FUNDC1: variants seen among roughly 807,000 people sequenced by gnomAD.
FUNDC1 encodes FUN14 domain containing 1.
In FUNDC1, 10 loss-of-function variants were observed where a neutral mutation model predicts 14.5. The observed-to-expected ratio is 0.69, with a 90% confidence interval of 0.43 to 1.17. The LOEUF (loss-of-function observed/expected upper bound fraction) is 1.17. Ranked by LOEUF, FUNDC1 falls within the 50% of genes most tolerant of loss-of-function variation. The pLI is 0.00. For missense variants in FUNDC1, 115 were observed against 113.8 expected (o/e 1.01, Z -0.05); for synonymous variants, 33 against 39.7 (o/e 0.83, Z 0.64).
At chrX:44,537,485 A>AT (rs750838858) in intron 3 of FUNDC1, among the ~76,000 whole-genome samples, 6 of 111,348 alleles carry the variant, frequency 5.4e-5, no homozygotes, top group South Asian at 3.7e-4. Context: ...GGTATTAATC[A>AT]TTTTTTTTAC....
At chrX:44,527,649 C>G (rs2038907608) in intron 3 of FUNDC1, among the ~76,000 whole-genome samples, 1 of 111,738 alleles carries the variant, frequency 8.9e-6, no homozygotes. Context: ...ATGTGATGAA[C>G]AGTGTTTAGT....
At chrX:44,531,957 TATAA>T (rs2038927611) in intron 3 of FUNDC1, among the ~76,000 whole-genome samples, 1 of 111,837 alleles carries the variant, frequency 8.9e-6, no homozygotes, top group Non-Finnish European at 1.9e-5. Context: ...TCCATATTGA[TATAA>T]ATAAATGACT....
chrX:44,533,702 T>A (rs1445527735), intron 3 of FUNDC1, among the ~76,000 whole-genome samples: 4 of 103,963 alleles, frequency 3.8e-5, no homozygotes, highest in Non-Finnish European at 7.9e-5. Flanking sequence ...CCATTAAAAA[T>A]TTTTAAAAAA....
Position 44,524,205 on chromosome X carries a change from G to A in FUNDC1, c.461C>T (p.Ala154Val). 8.5e-7 allele frequency: 1 copy of A among 1,180,929 alleles called. No individual in the cohort carries two copies. Among genetic ancestry groups the A allele is most frequent in the Non-Finnish European group, 1.2e-6 (1 of 868,143 alleles). ...GGGAGAATATTCATGTCCTTAAGAT[G>A]CAAGTCCGAGCAAAAAGCCTCCCAC... is the stretch of plus-strand genomic sequence containing the variant. Reference protein sequence around the residue: ...GFVGGFLLGLAS With the variant: ...GFVGGFLLGLVS Residue 154 changes from alanine to valine, a missense_variant, in exon 5 of 5, where the codon GCA (alanine) becomes GTA (valine). By Grantham distance (64) the Ala-to-Val change is moderately conservative. Transcript: ENST00000378045.
chrX:44,542,332 C>A, intron 1 of FUNDC1: 1 of 392,364 alleles, frequency 2.5e-6, no homozygotes, highest in South Asian at 4.3e-5. Flanking sequence ...CGGGGACCAG[C>A]CTGGGGTCAC....
chrX:44,535,024 T>A (rs1325624355), intron 3 of FUNDC1, among the ~76,000 whole-genome samples: 1 of 111,292 alleles, frequency 9.0e-6, no homozygotes, highest in Non-Finnish European at 1.9e-5. Flanking sequence ...CACACGCCTG[T>A]AATCCCAGCT....
chrX:44,532,240 C>T (rs1360165416), intron 3 of FUNDC1, among the ~76,000 whole-genome samples: 1 of 109,045 alleles, frequency 9.2e-6, no homozygotes, highest in Non-Finnish European at 1.9e-5. Context: ...ACGGAAAATA[C>T]AAAAATTAGC....
intron 3 of FUNDC1, among the ~76,000 whole-genome samples, chrX:44,535,982 T>C (rs1156381031): frequency 1.1e-5 from 1 of 94,912 alleles, no homozygotes; most frequent in Non-Finnish European, 2.0e-5. Context: ...GCAAAACTCT[T>C]GTCTAAAAAA....
intron 3 of FUNDC1, among the ~76,000 whole-genome samples, chrX:44,536,915 T>C (rs2038951519): frequency 8.9e-6 from 1 of 112,298 alleles, no homozygotes; most frequent in Non-Finnish European, 1.9e-5. Flanking sequence ...ATATTGTTAC[T>C]AGAAAAGCTT....
At position 44,542,666 on chromosome X, in the gene FUNDC1, G is replaced by T. The variant is rs145411697; in HGVS notation, c.28+139C>A. On this transcript the variant is annotated intron_variant, in intron 1 of 4. Coordinates refer to ENST00000378045, the MANE Select transcript of FUNDC1 (RefSeq NM_173794.4). Reference sequence around the variant, plus strand: ...GGGGAGGAAAAAGTCTAGCTCGGAGGGGGTGCTCGAAGGGGCTGCCTTAAA... The same window carrying T: ...GGGGAGGAAAAAGTCTAGCTCGGAGTGGGTGCTCGAAGGGGCTGCCTTAAA... 1.2e-5 allele frequency: 7 copies of T among 575,916 alleles called. No individual in the cohort carries two copies. In the African/African-American group the frequency reaches 1.7e-4, roughly 14 times the overall value. 47.5% of individuals were successfully genotyped at this position (575,916 alleles called of 1,213,427 possible). A position where few individuals can be genotyped will look rare whatever the true frequency, so the allele number is the denominator to read the frequency against.
chrX:44,540,412 T>TG (rs2038966120), intron 2 of FUNDC1, among the ~76,000 whole-genome samples: 1 of 87,498 alleles, frequency 1.1e-5, no homozygotes, highest in Non-Finnish European at 2.1e-5. Context: ...CAAATGTGTG[T>TG]GTTGTGTGTG....
intron 3 of FUNDC1, among the ~76,000 whole-genome samples, chrX:44,531,268 AC>A (rs1327258074): frequency 4.3e-5 from 3 of 70,039 alleles, no homozygotes; most frequent in Admixed American, 1.3e-4. Context: ...ACACACACAC[AC>A]ACACACACAC....
intron 3 of FUNDC1, among the ~76,000 whole-genome samples, chrX:44,533,697 A>C (rs1399753514): frequency 1.8e-5 from 2 of 109,351 alleles, no homozygotes; most frequent in East Asian, 5.7e-4. Flanking sequence ...ATTAGCCATT[A>C]AAAATTTTTA....
intron 3 of FUNDC1, among the ~76,000 whole-genome samples, chrX:44,529,942 G>C (rs1359448737): frequency 8.9e-6 from 1 of 112,572 alleles, no homozygotes; most frequent in African/African-American, 3.2e-5. Flanking sequence ...GTCTCCCAAA[G>C]TGCTGGGATT....
At chrX:44,542,133 T>TA (rs1411601789) in intron 1 of FUNDC1, 32 bp from the exon 2 acceptor site, 2 of 1,086,020 alleles carry the variant, frequency 1.8e-6, no homozygotes, top group Non-Finnish European at 2.5e-6. Context: ...AAAATAAATG[T>TA]AGAGTCAATC....
chrX:44,528,346 T>C (rs1012421227), intron 3 of FUNDC1, among the ~76,000 whole-genome samples: 1 of 112,292 alleles, frequency 8.9e-6, no homozygotes, highest in Non-Finnish European at 1.9e-5. Context: ...AATTTGTTTA[T>C]CTGCATTTCT....
At chrX:44,534,175 G>C (rs1038112736) in intron 3 of FUNDC1, among the ~76,000 whole-genome samples, 2 of 108,379 alleles carry the variant, frequency 1.8e-5, no homozygotes, top group Admixed American at 1.0e-4. Context: ...GATTATTAGT[G>C]TTCTACCAAA....
In FUNDC1 at chrX:44,531,157, G is replaced by A. The variant is rs181893191; in HGVS notation, c.262-3792C>T. On this transcript the variant is annotated intron_variant, in intron 3 of 4. Transcript: ENST00000378045. The stretch of plus-strand genomic sequence containing the variant: ...CTTGAGAGGCTGAAGTGGCAGGATC[G>A]CTTGAGCCTCAGGAGTTCAAGGCTG... Among the ~76,000 whole-genome samples, 768 of 106,306 alleles carry A rather than the reference G, an allele frequency of 7.2e-3. 7 individuals carry two copies. Among genetic ancestry groups the A allele is most frequent in the African/African-American group, 0.024 (700 of 29,215 alleles). The allele number at this position is 106,306 out of a possible 115,157, so 92.3% of individuals were successfully genotyped here.
intron 3 of FUNDC1, among the ~76,000 whole-genome samples, 164 bp downstream of exon 3, chrX:44,538,303 C>T (rs1208860733): frequency 8.9e-6 from 1 of 112,353 alleles, no homozygotes; most frequent in Non-Finnish European, 1.9e-5. Flanking sequence ...TTTTTAATAG[C>T]TGGGATCAAA....
Sources: allele counts gnomAD v4.1 joint callset (sites outside exome capture counted in the v4.1 genomes callset), GRCh38; gene constraint gnomAD v4.1.1; transcripts MANE v1.5; gene names NCBI Gene and HGNC (gene_info 2026-07-23, HGNC 2026-07-21).